TENM2: variants seen among roughly 807,000 people sequenced by gnomAD.
TENM2 encodes teneurin transmembrane protein 2.
TENM2 carries 52 observed loss-of-function variants against 245.2 expected under a neutral mutation model. That is an observed-to-expected ratio of 0.21 (90% CI 0.17 to 0.27). TENM2 has a LOEUF of 0.27. Among genes scored for constraint, TENM2 ranks in the 10% least tolerant of loss-of-function variants. The pLI, the probability that TENM2 is intolerant of heterozygous loss-of-function variation, is 1.00. For missense variants in TENM2, 3,046 were observed against 3,666.8 expected (o/e 0.83, Z 4.37); for synonymous variants, 1,363 against 1,438.9 (o/e 0.95, Z 1.19).
At position 167,838,269 on chromosome 5, in the gene TENM2, A is replaced by G. The variant is rs79661824; in HGVS notation, c.503-37717A>G. On this transcript the variant is annotated intron_variant, in intron 2 of 28. Transcript: ENST00000518659. ...TCCAGGGTCCATTTAAGTATCTTCA[A>G]ACAAATGTTCCAGCCGAGATATTTA... Among the ~76,000 whole-genome samples the G allele has an allele frequency of 9.0e-3, 1,368 of 152,318 alleles. 21 individuals are homozygous for G. The highest frequency in any genetic ancestry group is 0.031 in the African/African-American group (1,303 of 41,570).
chr5:168,056,551 A>G (rs993067585), intron 6 of TENM2, among the ~76,000 whole-genome samples: 2 of 152,204 alleles, frequency 1.3e-5, no homozygotes, highest in Non-Finnish European at 2.9e-5. Flanking sequence ...AAAAATTCCT[A>G]TCACCTAGTG....
intron 5 of TENM2, among the ~76,000 whole-genome samples, chr5:167,996,390 T>G (rs954952919): frequency 3.2e-4 from 48 of 152,268 alleles, no homozygotes; most frequent in African/African-American, 1.2e-3. Flanking sequence ...TCTGGAAAGC[T>G]GAATAAACCA....
rs772656016 is a variant in TENM2 at position 168,190,558 on chromosome 5, T to TCTGTCC, written c.2780+15_2780+20dup. 28 of 1,608,132 alleles carry TCTGTCC rather than the reference T, an allele frequency of 1.7e-5. No homozygotes were observed. The highest frequency in any genetic ancestry group is 2.3e-5 in the Non-Finnish European group (27 of 1,175,350). On this transcript the variant is annotated intron_variant, in intron 14 of 28. Transcript: ENST00000518659. ...CCCTTTCAACAGCAGGTAGGCACCC[T>TCTGTCC]CTGTCCCTGCAAACTCCTGAAGTCT...
At chr5:167,822,701 A>G (rs1021152358) in intron 2 of TENM2, among the ~76,000 whole-genome samples, 9 of 152,078 alleles carry the variant, frequency 5.9e-5, no homozygotes, top group Non-Finnish European at 1.3e-4. Context: ...TTCCTCTCTA[A>G]TAAAAGAAGG....
intron 22 of TENM2, 98 bp downstream of exon 24, chr5:168,217,020 G>A: frequency 8.4e-6 from 11 of 1,317,018 alleles, no homozygotes; most frequent in Non-Finnish European, 1.2e-5. Context: ...GAATGGGAGG[G>A]AGAGATACAG....
exon 1 of TENM2, chr5:167,285,035 C>G: frequency 6.4e-7 from 1 of 1,552,158 alleles, no homozygotes; most frequent in Non-Finnish European, 8.7e-7. Flanking sequence ...ACCTCATCCA[C>G]CGGGAGTCAG....
chr5:167,979,212 G>T (rs751315999), intron 4 of TENM2, among the ~76,000 whole-genome samples: 4 of 152,092 alleles, frequency 2.6e-5, no homozygotes, highest in Non-Finnish European at 5.9e-5. Flanking sequence ...CACAGGTAGG[G>T]GGAAAAGAGA....
At chr5:167,070,987 A>T in the TENM2 span, among the ~76,000 whole-genome samples, 1 of 152,186 alleles carries the variant, frequency 6.6e-6, no homozygotes, top group East Asian at 1.9e-4. Context: ...TTGGTGATCT[A>T]GCTGAGACAA....
At chr5:167,828,790 A>T (rs1467207147) in intron 2 of TENM2, among the ~76,000 whole-genome samples, 1 of 152,236 alleles carries the variant, frequency 6.6e-6, no homozygotes, top group Non-Finnish European at 1.5e-5. Context: ...AACCATTTCT[A>T]TAAGAAATCT....
intron 2 of TENM2, among the ~76,000 whole-genome samples, chr5:167,666,883 T>C (rs1425535919): frequency 6.6e-6 from 1 of 152,162 alleles, no homozygotes; most frequent in Non-Finnish European, 1.5e-5. Context: ...CTATGTTGGA[T>C]TTTTGAATAC....
At chr5:167,698,689 T>G (rs1191337269) in intron 2 of TENM2, among the ~76,000 whole-genome samples, 14 of 142,652 alleles carry the variant, frequency 9.8e-5, no homozygotes, top group East Asian at 7.8e-4. Flanking sequence ...GTTTTTTTTT[T>G]TTTTTTTTTT....
chr5:167,238,381 A>G, the TENM2 span, among the ~76,000 whole-genome samples: 33 of 152,304 alleles, frequency 2.2e-4, no homozygotes, highest in South Asian at 6.2e-3. Flanking sequence ...AGGCTGAAGA[A>G]CTAGTTATGA....
intron 13 of TENM2, among the ~76,000 whole-genome samples, chr5:168,165,651 C>T (rs1239817196): frequency 5.3e-5 from 1 of 19,024 alleles, no homozygotes; most frequent in African/African-American, 2.9e-4. Context: ...CCCCCCAACC[C>T]CCCCCCCCCC....
At chr5:167,635,912 G>A (rs919401390) in intron 2 of TENM2, among the ~76,000 whole-genome samples, 7 of 151,868 alleles carry the variant, frequency 4.6e-5, no homozygotes, top group Non-Finnish European at 1.0e-4. Context: ...CCAAAGCACT[G>A]GGATTACAGG....
chr5:167,565,630 G>A (rs1044561541), intron 2 of TENM2, among the ~76,000 whole-genome samples: 8 of 152,280 alleles, frequency 5.3e-5, no homozygotes, highest in African/African-American at 1.2e-4. Context: ...ATATGCTAAT[G>A]TTTTTTGTTT....
chr5:167,458,007 C>G (rs577242059), intron 2 of TENM2, among the ~76,000 whole-genome samples: 4 of 151,786 alleles, frequency 2.6e-5, no homozygotes, highest in African/African-American at 9.7e-5. Flanking sequence ...TTTTTTAATA[C>G]GACATTTTAC....
chr5:167,897,444 A>T lies in TENM2; in HGVS notation c.712+21249A>T, dbSNP rs150414626. Among the ~76,000 whole-genome samples, 41 of 152,370 alleles carry T rather than the reference A, an allele frequency of 2.7e-4. No individual in the cohort carries two copies. The East Asian group carries it at 7.9e-3, about 29-fold the overall frequency. Reference sequence around the variant, plus strand: ...GGTTGTAACACAGATGCTTAGAAAAAGTAGGAAAAAATCAGGTCTTAAAAA... The same window carrying T: ...GGTTGTAACACAGATGCTTAGAAAATGTAGGAAAAAATCAGGTCTTAAAAA... On this transcript the variant is annotated intron_variant, in intron 3 of 28. Transcript: ENST00000518659.
chr5:167,164,002 G>C, the TENM2 span, among the ~76,000 whole-genome samples: 3 of 152,050 alleles, frequency 2.0e-5, no homozygotes, highest in Admixed American at 2.0e-4. Context: ...CACATCCACT[G>C]CCCTCCACTT....
At position 167,747,822 on chromosome 5, in the gene TENM2, G is replaced by A. The variant is rs1043661966; in HGVS notation, c.503-128164G>A. Among the ~76,000 whole-genome samples, 5 of 152,236 alleles carry A rather than the reference G, an allele frequency of 3.3e-5. No individual in the cohort carries two copies. The East Asian group carries it at 7.7e-4, about 24-fold the overall frequency. ...CTGACATTTATTTGAATAAATAAGT[G>A]TATCTTCCTATTCTTATCTCTGTTT... On this transcript the variant is annotated intron_variant, in intron 2 of 28. Transcript: ENST00000518659.
Sources: gnomAD v4.1 joint callset for allele counts (sites outside exome capture counted in the v4.1 genomes callset) on GRCh38, gnomAD v4.1.1 for gene constraint, MANE v1.5 for transcripts, NCBI Gene and HGNC (gene_info 2026-07-23, HGNC 2026-07-21) for gene names.